The following ELOVL6 variants were observed in gnomAD, a reference collection of about 807,000 sequenced individuals.
The protein encoded by ELOVL6 is very long chain fatty acid elongase 6.
In ELOVL6, 8 loss-of-function variants were observed where a neutral mutation model predicts 31.7. That is an observed-to-expected ratio of 0.25 (90% CI 0.15 to 0.45). The LOEUF is 0.45. Among genes scored for constraint, ELOVL6 ranks in the 20% least tolerant of loss-of-function variants. The pLI is 1.00. For missense variants in ELOVL6, 126 were observed against 326.4 expected (o/e 0.39, Z 4.73); for synonymous variants, 101 against 117.7 (o/e 0.86, Z 0.92).
At chr4:110,075,763 A>G (rs1018127466) in intron 2 of ELOVL6, among the ~76,000 whole-genome samples, 1 of 152,184 alleles carries the variant, frequency 6.6e-6, no homozygotes, top group Non-Finnish European at 1.5e-5. Context: ...TCCATTTTTC[A>G]CCACCACCAC....
intron 1 of ELOVL6, among the ~76,000 whole-genome samples, chr4:110,110,467 G>T (rs1431852558): frequency 6.8e-6 from 1 of 147,542 alleles, no homozygotes; most frequent in Non-Finnish European, 1.5e-5. Context: ...GAGCGTAGTG[G>T]TGTGATCATG....
chr4:110,159,344 A>C (rs1758563747), intron 1 of ELOVL6, among the ~76,000 whole-genome samples: 1 of 152,220 alleles, frequency 6.6e-6, no homozygotes, highest in Non-Finnish European at 1.5e-5. Context: ...ATGAGAGGAC[A>C]ATGATAATAA....
At chr4:110,119,994 C>A (rs1041876658) in intron 1 of ELOVL6, among the ~76,000 whole-genome samples, 4 of 152,168 alleles carry the variant, frequency 2.6e-5, no homozygotes, top group African/African-American at 9.7e-5. Context: ...CTACAGCATC[C>A]TTTTCTTCAG....
intron 1 of ELOVL6, among the ~76,000 whole-genome samples, chr4:110,178,688 T>C (rs1759186398): frequency 6.6e-6 from 1 of 152,118 alleles, no homozygotes; most frequent in Non-Finnish European, 1.5e-5. Context: ...ACCTCGTCTC[T>C]ACAAATAATC....
chr4:110,068,329 G>A (rs1041424733), intron 2 of ELOVL6, among the ~76,000 whole-genome samples: 4 of 152,256 alleles, frequency 2.6e-5, no homozygotes. Context: ...GTTGCAGTGC[G>A]AAGCCTGTCT....
At chr4:110,185,300 T>C (rs750233162) in intron 1 of ELOVL6, among the ~76,000 whole-genome samples, 12 of 152,204 alleles carry the variant, frequency 7.9e-5, no homozygotes, top group Admixed American at 1.3e-4. Context: ...CTGATAACAG[T>C]GTCCTTAAAT....
At chr4:110,156,005 C>T (rs7694475) in intron 1 of ELOVL6, among the ~76,000 whole-genome samples, 118,845 of 152,186 alleles carry the variant, frequency 0.78, 46,695 homozygotes, top group African/African-American at 0.85. Context: ...AAACTTCTCT[C>T]AGGAATAGTG....
chr4:110,164,738 CAAAAAAAAAA>C (rs1287813192), intron 1 of ELOVL6, among the ~76,000 whole-genome samples: 14 of 84,376 alleles, frequency 1.7e-4, no homozygotes, highest in Non-Finnish European at 3.3e-4. Flanking sequence ...GACCCTGTCT[CAAAAAAAAAA>C]AAAAAAAGAA....
At position 110,190,304 on chromosome 4, in the gene ELOVL6, T is replaced by C. The variant is rs144858769; in HGVS notation, c.89+7943A>G. Among the ~76,000 whole-genome samples, 739 of 152,256 alleles carry C rather than the reference T, an allele frequency of 4.9e-3. 4 individuals carry two copies. Among genetic ancestry groups the C allele is most frequent in the Middle Eastern group, 0.017 (5 of 294 alleles). ...AAGTTAAATCTCAGTAAGTTCACAG[T>C]GGGCAACTAACTCAGCAAAGGGTTT... On this transcript the variant is annotated intron_variant, in intron 1 of 3. Coordinates refer to ENST00000302274, the MANE Select transcript of ELOVL6 (RefSeq NM_024090.3).
intron 1 of ELOVL6, among the ~76,000 whole-genome samples, chr4:110,196,539 T>C (rs896964371): frequency 6.6e-6 from 1 of 152,188 alleles, no homozygotes; most frequent in Admixed American, 6.5e-5. Flanking sequence ...CCGAGGTCTA[T>C]CTGCGGTCTC....
At chr4:110,126,122 C>A (rs1333326957) in intron 1 of ELOVL6, among the ~76,000 whole-genome samples, 1 of 151,998 alleles carries the variant, frequency 6.6e-6, no homozygotes, top group Non-Finnish European at 1.5e-5. Flanking sequence ...TGGCTCACTG[C>A]AACCTCTACA....
rs57846282 is a variant in ELOVL6, at chr4:110,061,549, C to CTTTTTTTTTT, written c.222-1805_222-1796dup. Reference sequence around the variant, plus strand: ...CTGTCTTTCCCTCACCAAATGATGGCTTTTTTTTTTTTTTTTTTTTTTTTT... The same window carrying CTTTTTTTTTT: ...CTGTCTTTCCCTCACCAAATGATGGCTTTTTTTTTTTTTTTTTTTTTTTTTTTTTTTTTTT... On this transcript the variant is annotated intron_variant, in intron 2 of 3. Transcript: ENST00000302274. 1.5e-3 allele frequency among the ~76,000 whole-genome samples: 107 copies of CTTTTTTTTTT among 72,362 alleles called. 11 individuals are homozygous for CTTTTTTTTTT. Among genetic ancestry groups the CTTTTTTTTTT allele is most frequent in the African/African-American group, 2.1e-3 (42 of 19,898 alleles). 47.5% of individuals were successfully genotyped at this position (72,362 alleles called of 152,430 possible). A position where few individuals can be genotyped will look rare whatever the true frequency, so the allele number is the denominator to read the frequency against.
intron 2 of ELOVL6, among the ~76,000 whole-genome samples, chr4:110,079,681 A>G (rs1755770600): frequency 6.6e-6 from 1 of 152,224 alleles, no homozygotes; most frequent in South Asian, 2.1e-4. Flanking sequence ...TAAAAGAACT[A>G]GAGAAGCAAG....
chr4:110,120,698 A>G (rs778071705), intron 1 of ELOVL6, among the ~76,000 whole-genome samples: 8 of 151,632 alleles, frequency 5.3e-5, no homozygotes, highest in Non-Finnish European at 8.8e-5. Flanking sequence ...TTGAGATTCC[A>G]CCGCTACATT....
chr4:110,144,626 T>C (rs1422646587), intron 1 of ELOVL6, among the ~76,000 whole-genome samples: 1 of 152,140 alleles, frequency 6.6e-6, no homozygotes, highest in African/African-American at 2.4e-5. Context: ...GTACCTAACC[T>C]GCAGAAATGA....
chr4:110,194,973 T>C (rs1182377106), intron 1 of ELOVL6, among the ~76,000 whole-genome samples: 1 of 152,176 alleles, frequency 6.6e-6, no homozygotes, highest in Non-Finnish European at 1.5e-5. Flanking sequence ...AGCTTCACTA[T>C]ATCATGTTTT....
chr4:110,133,964 C>T (rs1035364764), intron 1 of ELOVL6, among the ~76,000 whole-genome samples: 6 of 152,162 alleles, frequency 3.9e-5, no homozygotes, highest in East Asian at 1.9e-4. Context: ...AACGCTTTAA[C>T]GCAGTAGATC....
intron 1 of ELOVL6, among the ~76,000 whole-genome samples, chr4:110,144,356 T>C (rs983008047): frequency 3.3e-5 from 5 of 152,226 alleles, no homozygotes; most frequent in African/African-American, 1.2e-4. Flanking sequence ...GGAAAGGCTA[T>C]CTTCCACTAT....
In ELOVL6 at chr4:110,051,073, C is replaced by T; in HGVS notation, c.*265G>A. 2.2e-6 allele frequency: 1 copy of T among 460,198 alleles called. No individual in the cohort carries two copies. The highest frequency in any genetic ancestry group is 4.0e-5 in the East Asian group (1 of 24,792). The allele number at this position is 460,198 out of a possible 1,614,324, so 28.5% of individuals were successfully genotyped here. ...CTGGCTTGCTTTTGTTCTCCCTTGT[C>T]CTAGAGTTGATAGATAAAGAGGGAA... On this transcript the variant is annotated 3_prime_UTR_variant, in exon 4 of 4. Coordinates refer to ENST00000302274, the MANE Select transcript of ELOVL6 (RefSeq NM_024090.3). This position sits in a 1 kb window ranked among gnomAD's most constrained non-coding sequence, Gnocchi z 4.8.
Sources: gnomAD v4.1 joint callset for allele counts (sites outside exome capture counted in the v4.1 genomes callset) on GRCh38, gnomAD v4.1.1 for gene constraint, Gnocchi (gnomAD v3.1) non-coding constraint, MANE v1.5 for transcripts, NCBI Gene and HGNC (gene_info 2026-07-23, HGNC 2026-07-21) for gene names.